CCDC178: variants seen among roughly 807,000 people sequenced by gnomAD.
The protein encoded by CCDC178 is coiled-coil domain-containing protein 178.
A neutral mutation model predicts 117.4 loss-of-function variants in CCDC178; 126 were observed. The observed-to-expected ratio is 1.07, with a 90% CI of 0.93 to 1.24. The LOEUF is 1.24. Among genes scored for constraint, CCDC178 ranks in the 50% most tolerant of loss-of-function variants. The probability of loss-of-function intolerance (pLI) is 0.00; values close to 1 mark genes in which losing one functional copy is unlikely to be tolerated. For synonymous variants in CCDC178, 283 were observed against 313.4 expected (o/e 0.90, Z 1.02); for missense variants, 1,030 against 986.9 (o/e 1.04, Z -0.59).
intron 11 of CCDC178, among the ~76,000 whole-genome samples, chr18:33,307,616 G>A (rs2062274045): frequency 6.6e-6 from 1 of 152,204 alleles, no homozygotes; most frequent in African/African-American, 2.4e-5. Flanking sequence ...TTGGGAAAAT[G>A]TCTCCAGGGC....
rs1299191769 is a variant in CCDC178, at chr18:32,938,013, A to C, written c.2602T>G (p.Ter868GluextTer24). 8 of 1,610,668 alleles carry C rather than the reference A, an allele frequency of 5.0e-6. No individual in the cohort carries two copies. Among genetic ancestry groups the C allele is most frequent in the Non-Finnish European group, 5.9e-6 (7 of 1,176,892 alleles). Residue 868 changes from the stop codon to glutamate (E), a stop_lost, in exon 23 of 23, where the codon TAA (stop) becomes GAA (glutamate). Coordinates refer to ENST00000383096, the MANE Select transcript of CCDC178 (RefSeq NM_001105528.4). ...TCCAAGATACATTGGTTGTTTGCTT[A>C]ACCATCGTTTTCGCATGTGCCATCT... ...LTDGTCENDG[*>E]
At chr18:33,434,660 T>C (rs1413111150) in intron 2 of CCDC178, among the ~76,000 whole-genome samples, 1 of 151,878 alleles carries the variant, frequency 6.6e-6, no homozygotes, top group East Asian at 1.9e-4. Flanking sequence ...AGACACAAAA[T>C]AGAAGGTAGA....
At chr18:33,035,946 T>C (rs1385495994) in intron 21 of CCDC178, among the ~76,000 whole-genome samples, 4 of 152,032 alleles carry the variant, frequency 2.6e-5, no homozygotes, top group Non-Finnish European at 5.9e-5. Context: ...AAAGATTCAC[T>C]GAAGTACATT....
In CCDC178 at chr18:33,091,324, C is replaced by CTTTTTTTTTTTTTTTTTTTTTTTT. The variant is rs746505005; in HGVS notation, c.2388+1413_2388+1436dup. Among the ~76,000 whole-genome samples the CTTTTTTTTTTTTTTTTTTTTTTTT allele has an allele frequency of 4.8e-4, 21 of 43,898 alleles. 10 individuals carry two copies. Among genetic ancestry groups the CTTTTTTTTTTTTTTTTTTTTTTTT allele is most frequent in the Non-Finnish European group, 6.9e-4 (17 of 24,582 alleles). The allele number at this position is 43,898 out of a possible 152,430, so 28.8% of individuals were successfully genotyped here. A position where few individuals can be genotyped will look rare whatever the true frequency, so the allele number is the denominator to read the frequency against. Reference sequence around the variant, plus strand: ...CTTTCCCAAACACACTTATTTCATTCTTTTTTTTTTTTTTTTTTTTTTTTT... The same window carrying CTTTTTTTTTTTTTTTTTTTTTTTT: ...CTTTCCCAAACACACTTATTTCATTCTTTTTTTTTTTTTTTTTTTTTTTTTTTTTTTTTTTTTTTTTTTTTTTTT... On this transcript the variant is annotated intron_variant, in intron 21 of 22. Transcript: ENST00000383096.
intron 5 of CCDC178, among the ~76,000 whole-genome samples, chr18:33,377,750 A>G (rs142851109): frequency 1.3e-5 from 2 of 152,278 alleles, no homozygotes; most frequent in African/African-American, 4.8e-5. Context: ...CAAAAATGAG[A>G]TGGATGCAGG....
At chr18:33,147,994 G>GC (rs541421855) in intron 20 of CCDC178, among the ~76,000 whole-genome samples, 167 of 135,668 alleles carry the variant, frequency 1.2e-3, no homozygotes, top group African/African-American at 4.3e-3. Flanking sequence ...GGCAGGGGCT[G>GC]CCCCCCACCT....
chr18:32,982,481 T>C (rs1040871822), intron 21 of CCDC178, among the ~76,000 whole-genome samples: 25 of 152,190 alleles, frequency 1.6e-4, no homozygotes, highest in African/African-American at 6.0e-4. Flanking sequence ...CTCACAGTTC[T>C]TTGTCTATGA....
chr18:33,197,836 G>T (rs2058949684), intron 20 of CCDC178, among the ~76,000 whole-genome samples: 1 of 152,088 alleles, frequency 6.6e-6, no homozygotes, highest in African/African-American at 2.4e-5. Context: ...TTTCCATAAA[G>T]TGTGTTTCAC....
At chr18:33,321,902 A>G (rs2062515567) in intron 11 of CCDC178, among the ~76,000 whole-genome samples, 1 of 151,964 alleles carries the variant, frequency 6.6e-6, no homozygotes, top group African/African-American at 2.4e-5. Context: ...TTTACAACAG[A>G]TATATCTAAA....
intron 20 of CCDC178, among the ~76,000 whole-genome samples, chr18:33,151,927 A>G (rs970079921): frequency 7.9e-5 from 12 of 152,198 alleles, no homozygotes; most frequent in African/African-American, 2.9e-4. Flanking sequence ...ACAACAGGAG[A>G]AAAAGTAAAA....
intron 12 of CCDC178, among the ~76,000 whole-genome samples, chr18:33,274,375 A>G (rs2059922883): frequency 6.6e-6 from 1 of 152,016 alleles, no homozygotes; most frequent in Non-Finnish European, 1.5e-5. Context: ...ACATAGAACT[A>G]TCACATGACC....
intron 20 of CCDC178, among the ~76,000 whole-genome samples, chr18:33,192,061 A>C (rs1337201329): frequency 1.3e-5 from 2 of 152,178 alleles, no homozygotes; most frequent in Non-Finnish European, 2.9e-5. Context: ...ACCTTGTTTA[A>C]ATTGAATTTA....
chr18:33,037,132 G>A (rs1242930290), intron 21 of CCDC178, among the ~76,000 whole-genome samples: 1 of 151,852 alleles, frequency 6.6e-6, no homozygotes, highest in Non-Finnish European at 1.5e-5. Context: ...CTAGAGAAAA[G>A]CCTCATAATA....
intron 20 of CCDC178, among the ~76,000 whole-genome samples, chr18:33,105,668 T>C (rs2057695999): frequency 6.6e-6 from 1 of 151,698 alleles, no homozygotes; most frequent in South Asian, 2.1e-4. Flanking sequence ...AATTTATCTA[T>C]GTACATTTTC....
rs779712071 is a variant in CCDC178, at chr18:33,293,164, T to C, written c.1171A>G (p.Lys391Glu). 15 of 1,566,074 alleles carry C rather than the reference T, an allele frequency of 9.6e-6. No individual in the cohort carries two copies. In the East Asian group the frequency reaches 3.2e-4, roughly 33 times the overall value. The change falls in exon 12 of 23, where the codon AAA (lysine) becomes GAA (glutamate). Residue 391 changes from lysine to glutamate, a missense_variant. Lys to Glu is a moderately conservative substitution (Grantham distance 56). Transcript: ENST00000383096. ...SSKNELHSLSKMLEDLRRVYD... is the reference protein window; with the variant it reads ...SSKNELHSLSEMLEDLRRVYD... ...TTCTAATATGAAAAACTCACCATTT[T>C]TGATAGAGAATGTAATTCATTTTTT...
At chr18:33,235,150 C>G (rs1599034057) in intron 15 of CCDC178, among the ~76,000 whole-genome samples, 1 of 152,070 alleles carries the variant, frequency 6.6e-6, no homozygotes, top group Non-Finnish European at 1.5e-5. Context: ...ACATAAAGAA[C>G]AGTTTGAGAT....
At chr18:33,146,972 C>T (rs2058275349) in intron 20 of CCDC178, among the ~76,000 whole-genome samples, 1 of 152,064 alleles carries the variant, frequency 6.6e-6, no homozygotes, top group Non-Finnish European at 1.5e-5. Flanking sequence ...CTGGCAAGAC[C>T]TTAATTAAGA....
At chr18:33,381,079 A>G (rs1013874344) in intron 5 of CCDC178, among the ~76,000 whole-genome samples, 7 of 152,210 alleles carry the variant, frequency 4.6e-5, no homozygotes, top group African/African-American at 1.7e-4. Context: ...CTACATTAAT[A>G]TAGAGAGAAT....
intron 2 of CCDC178, among the ~76,000 whole-genome samples, chr18:33,427,256 A>C (rs1364570390): frequency 6.6e-6 from 1 of 152,128 alleles, no homozygotes; most frequent in Non-Finnish European, 1.5e-5. Flanking sequence ...ATTTTAACTT[A>C]AGTTCCAAAA....
Sources: allele counts gnomAD v4.1 joint callset (sites outside exome capture counted in the v4.1 genomes callset), GRCh38; gene constraint gnomAD v4.1.1; transcripts MANE v1.5; gene names NCBI Gene and HGNC (gene_info 2026-07-23, HGNC 2026-07-21).